WIPI1: variants seen among roughly 807,000 people sequenced by gnomAD.
The protein encoded by WIPI1 is WD repeat domain, phosphoinositide interacting 1.
A neutral mutation model predicts 55.3 loss-of-function variants in WIPI1; 45 were observed. That is an observed-to-expected ratio of 0.81 (90% CI 0.64 to 1.04). The LOEUF is 1.04. WIPI1 is among the 50% of genes least tolerant of loss of function. WIPI1 has a pLI of 0.00. For synonymous variants in WIPI1, 195 were observed against 217.6 expected (o/e 0.90, Z 0.92); for missense variants, 445 against 559.0 (o/e 0.80, Z 2.06).
intron 4 of WIPI1, among the ~76,000 whole-genome samples, chr17:68,438,452 C>G (rs2083928574): frequency 6.6e-6 from 1 of 152,214 alleles, no homozygotes; most frequent in Non-Finnish European, 1.5e-5. Context: ...GTCAGGAGAT[C>G]TGGTTGTCTT....
chr17:68,439,947 C>A (rs1361607066), intron 4 of WIPI1, among the ~76,000 whole-genome samples: 2 of 152,192 alleles, frequency 1.3e-5, no homozygotes, highest in Non-Finnish European at 2.9e-5. Flanking sequence ...TGGACGCATA[C>A]CTCCAGCTGT....
At chr17:68,424,695 G>A (rs1277638603) in intron 12 of WIPI1, 1 of 341,378 alleles carries the variant, frequency 2.9e-6, no homozygotes, top group Non-Finnish European at 5.8e-6. Flanking sequence ...GACCAACATG[G>A]TGAAACCCCG....
chr17:68,421,807 C>T lies in WIPI1; in HGVS notation c.1307G>A (p.Arg436His), dbSNP rs762058335. ...ENEFPPIILCRGNQKGKTKQS is the reference protein window; with the variant it reads ...ENEFPPIILCHGNQKGKTKQS ...CTTCGTTTTGCCCTTCTGATTTCCACGGCACAAGATTATCTACCAAAATCA... is the reference window on the plus strand; with the variant it reads ...CTTCGTTTTGCCCTTCTGATTTCCATGGCACAAGATTATCTACCAAAATCA... Residue 436 changes from arginine to histidine, a missense_variant, in exon 13 of 13, where the codon CGT (arginine) becomes CAT (histidine). Coordinates refer to ENST00000262139, the MANE Select transcript of WIPI1 (RefSeq NM_017983.7). 77 of 1,614,042 alleles carry T rather than the reference C, an allele frequency of 4.8e-5. No homozygotes were observed. Among genetic ancestry groups the T allele is most frequent in the East Asian group, 6.7e-5 (3 of 44,904 alleles).
chr17:68,428,501 G>T, intron 10 of WIPI1: 1 of 215,794 alleles, frequency 4.6e-6, no homozygotes, highest in Non-Finnish European at 9.4e-6. Flanking sequence ...CCAAAGTGCC[G>T]GGATTACAGG....
At chr17:68,424,238 A>G (rs2082997041) in intron 12 of WIPI1, among the ~76,000 whole-genome samples, 1 of 152,206 alleles carries the variant, frequency 6.6e-6, no homozygotes. Flanking sequence ...CTTGCCAGCC[A>G]CGTCTCTGAC....
At chr17:68,444,619 G>T in intron 3 of WIPI1, 30 bp from the exon 4 acceptor site, 1 of 1,582,432 alleles carries the variant, frequency 6.3e-7, no homozygotes, top group South Asian at 1.1e-5. Context: ...TCAGTCTACC[G>T]AACCGTTCCT....
intron 8 of WIPI1, 37 bp from the exon 9 acceptor site, chr17:68,430,197 T>G (rs1458751483): frequency 1.3e-6 from 2 of 1,579,062 alleles, no homozygotes; most frequent in African/African-American, 1.4e-5. Flanking sequence ...GGGACTGGGC[T>G]GCAGGCCCCA....
chr17:68,428,660 C>T (rs2083364215), intron 10 of WIPI1, 169 bp downstream of exon 10: 1 of 585,270 alleles, frequency 1.7e-6, no homozygotes, highest in South Asian at 2.0e-5. Context: ...GCTGAGGGCA[C>T]CTGACACAGA....
chr17:68,437,948 TAAAAAAAAAA>T (rs199649033), intron 4 of WIPI1, among the ~76,000 whole-genome samples: 2 of 78,806 alleles, frequency 2.5e-5, no homozygotes, highest in Admixed American at 1.3e-4. Flanking sequence ...ACATCTCTCT[TAAAAAAAAAA>T]AAAAAAAAAA....
At chr17:68,448,683 T>C (rs2084380587) in intron 3 of WIPI1, among the ~76,000 whole-genome samples, 1 of 152,194 alleles carries the variant, frequency 6.6e-6, no homozygotes, top group Non-Finnish European at 1.5e-5. Context: ...TTACAGATCA[T>C]TTGCCTAAAC....
intron 10 of WIPI1, 74 bp from the exon 11 acceptor site, chr17:68,427,327 A>G (rs1462760367): frequency 1.8e-6 from 2 of 1,106,570 alleles, no homozygotes; most frequent in African/African-American, 3.1e-5. Context: ...CCAAAGGAAA[A>G]GCATGAAGAA....
chr17:68,446,028 G>C (rs777309290), intron 3 of WIPI1, among the ~76,000 whole-genome samples: 1 of 152,162 alleles, frequency 6.6e-6, no homozygotes, highest in Non-Finnish European at 1.5e-5. Context: ...ACATCAGCTA[G>C]AAGGGAAGGT....
At chr17:68,454,813 A>G (rs1388999406) in intron 1 of WIPI1, among the ~76,000 whole-genome samples, 4 of 152,332 alleles carry the variant, frequency 2.6e-5, no homozygotes, top group South Asian at 2.1e-4. Flanking sequence ...ATGCAAAGTG[A>G]CAGCAATTTA....
At chr17:68,436,972 C>CTACA (rs2083821902) in intron 4 of WIPI1, among the ~76,000 whole-genome samples, 2 of 142,526 alleles carry the variant, frequency 1.4e-5, no homozygotes, top group African/African-American at 2.8e-5. Context: ...CCAGCCTGGG[C>CTACA]TACAGAGTGA....
At chr17:68,453,144 G>T in intron 1 of WIPI1, 152 bp from the exon 2 acceptor site, 1 of 562,628 alleles carries the variant, frequency 1.8e-6, no homozygotes, top group South Asian at 2.4e-5. Context: ...AAATGGTGAC[G>T]CATGTCTTGA....
intron 1 of WIPI1, among the ~76,000 whole-genome samples, chr17:68,455,423 G>A (rs1454473283): frequency 1.3e-5 from 2 of 151,024 alleles, no homozygotes; most frequent in African/African-American, 4.9e-5. Flanking sequence ...CGAAGTATGA[G>A]CGTAGGGGAC....
At chr17:68,421,982 G>C in intron 12 of WIPI1, 162 bp from the exon 13 acceptor site, 5 of 753,976 alleles carry the variant, frequency 6.6e-6, no homozygotes, top group Non-Finnish European at 1.1e-5. Context: ...TGGTCACCCA[G>C]CTTATTTAGG....
At chr17:68,427,380 A>G in intron 10 of WIPI1, 127 bp from the exon 11 acceptor site, 2 of 731,186 alleles carry the variant, frequency 2.7e-6, no homozygotes, top group Non-Finnish European at 4.5e-6. Context: ...TTTTTGAGGC[A>G]GGGTCTTGCT....
At chr17:68,436,527 A>G (rs775697089) in intron 4 of WIPI1, 48 bp from the exon 5 acceptor site, 2 of 1,570,090 alleles carry the variant, frequency 1.3e-6, no homozygotes, top group South Asian at 1.1e-5. Flanking sequence ...CAAGGGAGAG[A>G]TTGCACGGCT....
Sources: gnomAD v4.1 joint callset for allele counts (sites outside exome capture counted in the v4.1 genomes callset) on GRCh38, gnomAD v4.1.1 for gene constraint, MANE v1.5 for transcripts, NCBI Gene and HGNC (gene_info 2026-07-23, HGNC 2026-07-21) for gene names.